The following KHDRBS2 variants were observed in gnomAD, a reference collection of about 807,000 sequenced individuals.
The protein encoded by KHDRBS2 is KH domain-containing, RNA-binding, signal transduction-associated protein 2.
Under a neutral mutation model 44.3 loss-of-function variants are expected in KHDRBS2, and 26 were observed. The ratio of observed to expected loss-of-function variants is 0.59; its 90% CI spans 0.43 to 0.81. The LOEUF is 0.81. KHDRBS2 is among the 40% of genes least tolerant of loss of function. KHDRBS2 has a pLI of 0.00. For missense variants in KHDRBS2, 476 were observed against 433.1 expected (o/e 1.10, Z -0.88); for synonymous variants, 194 against 151.1 (o/e 1.28, Z -2.08).
At chr6:62,139,295 G>A (rs750921519) in intron 2 of KHDRBS2, among the ~76,000 whole-genome samples, 23 of 152,064 alleles carry the variant, frequency 1.5e-4, no homozygotes, top group Admixed American at 5.2e-4. Flanking sequence ...GCTCACACCT[G>A]TAATCCCAGC....
intron 2 of KHDRBS2, among the ~76,000 whole-genome samples, chr6:62,071,413 C>A (rs1025894229): frequency 1.3e-5 from 2 of 152,162 alleles, no homozygotes; most frequent in South Asian, 4.1e-4. Flanking sequence ...GAAATCCTTG[C>A]CCATGCCTAT....
intron 6 of KHDRBS2, among the ~76,000 whole-genome samples, chr6:61,843,988 C>T (rs575779039): frequency 6.6e-6 from 1 of 152,106 alleles, no homozygotes; most frequent in East Asian, 1.9e-4. Flanking sequence ...ATGAGAATTA[C>T]TCCATTGCTC....
chr6:61,779,229 T>A (rs565502177), intron 6 of KHDRBS2, among the ~76,000 whole-genome samples: 24 of 152,288 alleles, frequency 1.6e-4, no homozygotes, highest in African/African-American at 5.3e-4. Context: ...AATATTTATA[T>A]AGTCTTTCTT....
chr6:62,160,432 A>G (rs1431647840), intron 2 of KHDRBS2, among the ~76,000 whole-genome samples: 1 of 152,114 alleles, frequency 6.6e-6, no homozygotes, highest in Admixed American at 6.6e-5. Flanking sequence ...AGTGTTAGGA[A>G]TGCTAGCCAG....
the KHDRBS2 span, among the ~76,000 whole-genome samples, chr6:61,553,229 G>A: frequency 1.3e-5 from 2 of 152,014 alleles, no homozygotes; most frequent in Non-Finnish European, 2.9e-5. Context: ...GTTTACTCTT[G>A]GGAGGTTGTA....
chr6:61,788,857 A>G (rs2127584440), intron 6 of KHDRBS2, among the ~76,000 whole-genome samples: 1 of 151,354 alleles, frequency 6.6e-6, no homozygotes, highest in Non-Finnish European at 1.5e-5. Flanking sequence ...AAAAATCTAT[A>G]CAAAATTTTC....
At chr6:62,053,714 G>A (rs996326141) in intron 2 of KHDRBS2, among the ~76,000 whole-genome samples, 1 of 151,850 alleles carries the variant, frequency 6.6e-6, no homozygotes, top group Non-Finnish European at 1.5e-5. Flanking sequence ...GCACATTCTT[G>A]ACACTTTATT....
intron 6 of KHDRBS2, among the ~76,000 whole-genome samples, chr6:61,768,726 A>G (rs1780374443): frequency 6.6e-6 from 1 of 152,050 alleles, no homozygotes; most frequent in Non-Finnish European, 1.5e-5. Context: ...GGGTAGGAGT[A>G]GTGTCAACTA....
intron 7 of KHDRBS2, among the ~76,000 whole-genome samples, chr6:61,709,179 G>A (rs73757895): frequency 0.16 from 24,953 of 151,490 alleles, 2,507 homozygotes; most frequent in East Asian, 0.29. Flanking sequence ...TTTTTCGTAT[G>A]CATAAAGGTT....
chr6:61,601,531 G>C, the KHDRBS2 span, among the ~76,000 whole-genome samples: 1 of 152,032 alleles, frequency 6.6e-6, no homozygotes, highest in Non-Finnish European at 1.5e-5. Context: ...GATAATTCTT[G>C]TCATAAAATA....
At chr6:62,215,844 C>T (rs1489760786) in intron 1 of KHDRBS2, among the ~76,000 whole-genome samples, 1 of 151,490 alleles carries the variant, frequency 6.6e-6, no homozygotes, top group Non-Finnish European at 1.5e-5. Context: ...GTATTACCTT[C>T]ATTAAATTGG....
chr6:62,109,100 TA>T (rs70993202), intron 2 of KHDRBS2, among the ~76,000 whole-genome samples: 2,844 of 140,588 alleles, frequency 0.02, 151 homozygotes, highest in Admixed American at 0.12. Context: ...AGTATAATAA[TA>T]AAAAAAAAAA....
rs1213342324 is a variant in KHDRBS2 at position 61,680,946 on chromosome 6, A to T, written c.*17T>A. 2 of 1,536,904 alleles carry T rather than the reference A, an allele frequency of 1.3e-6. No homozygotes were observed. Among genetic ancestry groups the T allele is most frequent in the Admixed American group, 3.4e-5 (2 of 58,536 alleles). On this transcript the variant is annotated 3_prime_UTR_variant, in exon 9 of 9. Coordinates refer to ENST00000281156, the MANE Select transcript of KHDRBS2 (RefSeq NM_152688.4). ...TATGAATTGTCTTTGAGGTGAGGTC[A>T]CAGGTGGGAAGGACCTTCAATATCT...
At chr6:61,902,376 C>T (rs1338891841) in intron 4 of KHDRBS2, among the ~76,000 whole-genome samples, 1 of 152,082 alleles carries the variant, frequency 6.6e-6, no homozygotes, top group African/African-American at 2.4e-5. Context: ...GTCAAAGGGA[C>T]TTTTCCTTTA....
chr6:62,141,137 G>A (rs1812712848), intron 2 of KHDRBS2, among the ~76,000 whole-genome samples: 1 of 152,114 alleles, frequency 6.6e-6, no homozygotes, highest in African/African-American at 2.4e-5. Context: ...GAAGACATAA[G>A]CATGAACGTC....
intron 4 of KHDRBS2, among the ~76,000 whole-genome samples, chr6:61,939,658 C>A (rs1423056026): frequency 6.6e-6 from 1 of 152,148 alleles, no homozygotes; most frequent in East Asian, 1.9e-4. Context: ...ACATTATTTC[C>A]TGCTTTTACA....
intron 2 of KHDRBS2, among the ~76,000 whole-genome samples, chr6:62,165,240 CATTTATTT>C (rs202136759): frequency 2.2e-4 from 33 of 149,648 alleles, no homozygotes; most frequent in Non-Finnish European, 4.0e-4. Context: ...CATTCTAGTA[CATTTATTT>C]ATTTATTTAT....
At chr6:62,241,266 C>A (rs1187829025) in intron 1 of KHDRBS2, among the ~76,000 whole-genome samples, 1 of 152,002 alleles carries the variant, frequency 6.6e-6, no homozygotes, top group Non-Finnish European at 1.5e-5. Flanking sequence ...AACTACATAT[C>A]GTATAAGGAT....
intron 6 of KHDRBS2, among the ~76,000 whole-genome samples, chr6:61,894,171 A>T (rs1390459365): frequency 2.6e-5 from 4 of 152,100 alleles, no homozygotes; most frequent in Admixed American, 2.0e-4. Context: ...GCCAATCCAC[A>T]TCTTTAATAT....
Sources: allele counts gnomAD v4.1 joint callset (sites outside exome capture counted in the v4.1 genomes callset), GRCh38; gene constraint gnomAD v4.1.1; transcripts MANE v1.5; gene names NCBI Gene and HGNC (gene_info 2026-07-23, HGNC 2026-07-21).